The following BTRC variants were observed in gnomAD, a reference collection of about 807,000 sequenced individuals.
BTRC encodes F-box/WD repeat-containing protein 1A.
Under a neutral mutation model 85.5 loss-of-function variants are expected in BTRC, and 42 were observed. That is an observed-to-expected ratio of 0.49 (90% CI 0.38 to 0.64). The LOEUF (loss-of-function observed/expected upper bound fraction) is 0.64. Among genes scored for constraint, BTRC ranks in the 30% least tolerant of loss-of-function variants. BTRC has a pLI of 0.00. For missense variants in BTRC, 594 were observed against 743.5 expected (o/e 0.80, Z 2.34); for synonymous variants, 255 against 263.3 (o/e 0.97, Z 0.30).
chr10:101,496,153 C>T (rs1274420278), intron 4 of BTRC, among the ~76,000 whole-genome samples: 1 of 151,936 alleles, frequency 6.6e-6, no homozygotes, highest in Non-Finnish European at 1.5e-5. Context: ...TATAAGTGAA[C>T]ATTGGGTTTC....
chr10:101,374,044 G>A (rs1041804738), intron 1 of BTRC, among the ~76,000 whole-genome samples: 4 of 151,962 alleles, frequency 2.6e-5, no homozygotes, highest in Non-Finnish European at 5.9e-5. Context: ...GTACTTTTTT[G>A]TATATTTAAA....
intron 3 of BTRC, among the ~76,000 whole-genome samples, chr10:101,475,605 C>T (rs973419301): frequency 1.4e-4 from 21 of 152,086 alleles, no homozygotes; most frequent in Admixed American, 1.3e-3. Context: ...TATATCTCTA[C>T]TATTTTCCCC....
chr10:101,394,106 A>G (rs1208315162), intron 1 of BTRC, among the ~76,000 whole-genome samples: 4 of 152,196 alleles, frequency 2.6e-5, no homozygotes, highest in African/African-American at 9.6e-5. Context: ...TCTCAATTCT[A>G]TTTAGAAGAT....
rs187834040 is a variant in BTRC at position 101,535,356 on chromosome 10, A to G, written c.1350A>G (p.Val450=). The change falls in exon 11 of 15, where the codon GTA becomes GTG. Residue 450 remains valine (V), a splice_region_variant and synonymous_variant. Transcript: ENST00000370187. ...CTCAATGCCATTTTCTTTTTCAGGTATGGAACACAAGTACTTGTGAATTTG... is the reference window on the plus strand; with the variant it reads ...CTCAATGCCATTTTCTTTTTCAGGTGTGGAACACAAGTACTTGTGAATTTG... The part of the protein sequence containing the change: ...VSASGDRTIK[V]WNTSTCEFVR... The G allele has an allele frequency of 6.2e-6, 10 of 1,610,778 alleles. No homozygotes were observed. In the East Asian group the frequency reaches 2.0e-4, roughly 32 times the overall value.
intron 1 of BTRC, among the ~76,000 whole-genome samples, chr10:101,402,036 G>A (rs1014486670): frequency 1.3e-5 from 2 of 152,024 alleles, no homozygotes; most frequent in African/African-American, 4.8e-5. Context: ...TAGTGAAAAT[G>A]TTTTTATAGG....
chr10:101,442,262 A>ATCTCTCTC (rs10531761), intron 2 of BTRC, among the ~76,000 whole-genome samples: 307 of 129,658 alleles, frequency 2.4e-3, no homozygotes, highest in Non-Finnish European at 2.9e-3. Context: ...TTGAATTAGA[A>ATCTCTCTC]TCTCTCTCTC....
intron 1 of BTRC, among the ~76,000 whole-genome samples, chr10:101,406,988 G>C (rs905790425): frequency 6.6e-6 from 1 of 151,952 alleles, no homozygotes; most frequent in South Asian, 2.1e-4. Flanking sequence ...GTTTATACTT[G>C]CACTGTCCAA....
At chr10:101,532,814 A>T in intron 8 of BTRC, 138 bp from the exon 9 acceptor site, 1 of 550,498 alleles carries the variant, frequency 1.8e-6, no homozygotes, top group East Asian at 3.7e-5. Flanking sequence ...GCGCGCGCTT[A>T]GCTATACCTA....
chr10:101,526,032 T>C lies in BTRC; in HGVS notation c.576T>C (p.Ile192=). ...TGAAAGCTCGGGGATTGGATCATATTGCTGAGAACATTCTGTCATACCTGG... is the reference window on the plus strand; with the variant it reads ...TGAAAGCTCGGGGATTGGATCATATCGCTGAGAACATTCTGTCATACCTGG... ...TALPARGLDH[I]AENILSYLDA... is the part of the protein sequence containing the mutation. The change falls in exon 6 of 15, where the codon ATT becomes ATC. Residue 192 remains isoleucine (I), a synonymous_variant. Transcript: ENST00000370187. The C allele has an allele frequency of 2.5e-6, 4 of 1,614,160 alleles. No homozygotes were observed. Among genetic ancestry groups the C allele is most frequent in the Non-Finnish European group, 3.4e-6 (4 of 1,180,014 alleles).
chr10:101,362,694 C>T (rs1467479992), intron 1 of BTRC, among the ~76,000 whole-genome samples: 1 of 152,138 alleles, frequency 6.6e-6, no homozygotes, highest in Non-Finnish European at 1.5e-5. Context: ...CACGCCCGGC[C>T]AGAAGAAATT....
At chr10:101,394,958 G>A (rs960399856) in intron 1 of BTRC, among the ~76,000 whole-genome samples, 10 of 152,324 alleles carry the variant, frequency 6.6e-5, no homozygotes, top group African/African-American at 2.4e-4. Context: ...TGCATGCACA[G>A]ATAATTCACC....
At chr10:101,540,798 G>A (rs1187074023) in intron 13 of BTRC, among the ~76,000 whole-genome samples, 1 of 152,100 alleles carries the variant, frequency 6.6e-6, no homozygotes, top group Non-Finnish European at 1.5e-5. Flanking sequence ...CATCTGCTGG[G>A]TTTTTTGTTG....
intron 14 of BTRC, 119 bp downstream of exon 14, chr10:101,551,010 AG>A: frequency 1.1e-6 from 1 of 924,572 alleles, no homozygotes; most frequent in Non-Finnish European, 1.6e-6. Context: ...TGTAAAGCCG[AG>A]GAAGCAGACA....
At chr10:101,473,928 C>G (rs1043918095) in intron 3 of BTRC, among the ~76,000 whole-genome samples, 2 of 152,148 alleles carry the variant, frequency 1.3e-5, no homozygotes, top group African/African-American at 4.8e-5. Flanking sequence ...ATGCACTTTT[C>G]AGTTCTAGAA....
intron 1 of BTRC, among the ~76,000 whole-genome samples, chr10:101,397,477 G>A (rs1219494027): frequency 6.6e-6 from 1 of 152,230 alleles, no homozygotes; most frequent in East Asian, 1.9e-4. Context: ...GTACCACCAT[G>A]TGTAGACAGA....
intron 4 of BTRC, among the ~76,000 whole-genome samples, chr10:101,503,165 ATATTC>A (rs1436991495): frequency 6.6e-6 from 1 of 152,168 alleles, no homozygotes; most frequent in Non-Finnish European, 1.5e-5. Flanking sequence ...TTTTTTAATG[ATATTC>A]TATTACATAA....
intron 1 of BTRC, chr10:101,354,569 G>A (rs374328135): frequency 8.8e-6 from 3 of 342,292 alleles, no homozygotes; most frequent in Middle Eastern, 8.1e-4. Flanking sequence ...GAGAAACGCC[G>A]TGAGGCCGCT....
chr10:101,525,914 A>AG, intron 5 of BTRC, 99 bp from the exon 6 acceptor site: 1 of 1,197,822 alleles, frequency 8.3e-7, no homozygotes, highest in Admixed American at 2.2e-5. Context: ...ATGTGCCTTC[A>AG]TAGCAGAACA....
chr10:101,505,394 C>T (rs932692848), intron 4 of BTRC, among the ~76,000 whole-genome samples: 4 of 149,996 alleles, frequency 2.7e-5, no homozygotes, highest in Admixed American at 2.0e-4. Context: ...CCGAGGCGGG[C>T]GGATCATGAG....
Sources: allele counts gnomAD v4.1 joint callset (sites outside exome capture counted in the v4.1 genomes callset), GRCh38; gene constraint gnomAD v4.1.1; transcripts MANE v1.5; gene names NCBI Gene and HGNC (gene_info 2026-07-23, HGNC 2026-07-21).